The following ICA1L variants were observed in gnomAD, a reference collection of about 807,000 sequenced individuals.
ICA1L encodes islet cell autoantigen 1 like.
ICA1L carries 50 observed loss-of-function variants against 61.3 expected under a neutral mutation model. The observed-to-expected ratio is 0.82, with a 90% CI of 0.65 to 1.03. The LOEUF is 1.03. Ranked by LOEUF, ICA1L falls within the 50% of genes least tolerant of loss-of-function variation. ICA1L has a pLI of 0.00. For synonymous variants in ICA1L, 161 were observed against 191.3 expected (o/e 0.84, Z 1.31); for missense variants, 508 against 556.7 (o/e 0.91, Z 0.88).
At chr2:202,839,688 A>T (rs1371031580) in intron 1 of ICA1L, among the ~76,000 whole-genome samples, 1 of 151,402 alleles carries the variant, frequency 6.6e-6, no homozygotes, top group Non-Finnish European at 1.5e-5. Context: ...ATTTACATTC[A>T]AGGTAATTAT....
chr2:202,867,303 C>G (rs879668002), intron 1 of ICA1L, among the ~76,000 whole-genome samples: 3 of 152,090 alleles, frequency 2.0e-5, no homozygotes, highest in African/African-American at 7.2e-5. Context: ...GAGAAATGTG[C>G]CATTAGATGA....
chr2:202,854,464 T>G (rs1275615367), intron 1 of ICA1L, among the ~76,000 whole-genome samples: 3 of 152,118 alleles, frequency 2.0e-5, no homozygotes, highest in Non-Finnish European at 4.4e-5. Context: ...CACCCCACCG[T>G]CAATATGAGA....
chr2:202,782,216 G>A (rs373885973), intron 12 of ICA1L, among the ~76,000 whole-genome samples: 4 of 151,746 alleles, frequency 2.6e-5, no homozygotes, highest in South Asian at 2.1e-4. Flanking sequence ...GTTTCCTGGC[G>A]TGCCTGTAAT....
Position 202,773,494 on chromosome 2 carries a change from A to G in ICA1L, c.*6039T>C, listed in dbSNP as rs1462628175. 7.1e-6 allele frequency: 2 copies of G among 283,390 alleles called. No individual in the cohort carries two copies. The highest frequency in any genetic ancestry group is 1.2e-4 in the South Asian group (2 of 16,276). The allele number at this position is 283,390 out of a possible 1,614,324, so 17.6% of individuals were successfully genotyped here. ...GTTTATCTCCAACAAGACACTGTCA[A>G]AATGTTTCTTCTGATAAAGCAGTTA... On this transcript the variant is annotated 3_prime_UTR_variant, in exon 13 of 13. Transcript: ENST00000358299.
intron 1 of ICA1L, among the ~76,000 whole-genome samples, chr2:202,857,932 G>A (rs540773652): frequency 1.5e-4 from 23 of 152,192 alleles, no homozygotes; most frequent in Middle Eastern, 6.8e-3. Flanking sequence ...ACCATCTCAC[G>A]CCAGTTAGAA....
intron 2 of ICA1L, among the ~76,000 whole-genome samples, chr2:202,827,318 G>A (rs1187923696): frequency 1.3e-5 from 2 of 151,854 alleles, no homozygotes; most frequent in East Asian, 1.9e-4. Context: ...GCTTGAACCC[G>A]GGAGGCGGAG....
At chr2:202,840,908 C>G in intron 1 of ICA1L, 1 of 711,792 alleles carries the variant, frequency 1.4e-6, no homozygotes, top group Non-Finnish European at 2.6e-6. Flanking sequence ...TCCCAGCCAG[C>G]GTCTGCAGTT....
intron 1 of ICA1L, among the ~76,000 whole-genome samples, chr2:202,867,204 A>C (rs975304885): frequency 1.3e-5 from 2 of 152,198 alleles, no homozygotes; most frequent in African/African-American, 4.8e-5. Flanking sequence ...TAATAAGAAA[A>C]TCTCATTTTA....
rs1263778290 is a variant in ICA1L at position 202,849,671 on chromosome 2, G to C, written c.-7-20655C>G. 1.3e-5 allele frequency among the ~76,000 whole-genome samples: 2 copies of C among 152,216 alleles called. No individual in the cohort carries two copies. The highest frequency in any genetic ancestry group is 2.9e-5 in the Non-Finnish European group (2 of 68,040). Reference sequence around the variant, plus strand: ...AAAACTCCCATCTCCCTAGGACAGAGCACCTGGGGGAAGGGGCAACTGTGG... The same window carrying C: ...AAAACTCCCATCTCCCTAGGACAGACCACCTGGGGGAAGGGGCAACTGTGG... On this transcript the variant is annotated intron_variant, in intron 1 of 12. Transcript: ENST00000358299. The surrounding 1 kb of genome is among the most constrained non-coding windows in gnomAD (Gnocchi z 4.5).
At chr2:202,871,264 C>G (rs1574396397) in intron 1 of ICA1L, 1 of 152,252 alleles carries the variant, frequency 6.6e-6, no homozygotes, top group East Asian at 1.9e-4. Context: ...ATCACCCAAA[C>G]GAGCCCCAGG....
intron 7 of ICA1L, 144 bp downstream of exon 7, chr2:202,815,767 G>A (rs1469989861): frequency 2.2e-6 from 1 of 462,238 alleles, no homozygotes; most frequent in African/African-American, 2.1e-5. Flanking sequence ...AATTAGGAAA[G>A]TGCTGACCCT....
chr2:202,784,288 C>T (rs536205671), intron 12 of ICA1L, among the ~76,000 whole-genome samples: 1 of 152,204 alleles, frequency 6.6e-6, no homozygotes, highest in African/African-American at 2.4e-5. Context: ...CCCATCTCTA[C>T]ACAAAAATTG....
intron 1 of ICA1L, chr2:202,844,266 C>T (rs752037660): frequency 3.3e-5 from 5 of 152,034 alleles, no homozygotes; most frequent in African/African-American, 7.2e-5. Flanking sequence ...GTCCCAGCTA[C>T]CTGGGATGCT....
At chr2:202,805,784 A>G (rs1027351974) in intron 9 of ICA1L, among the ~76,000 whole-genome samples, 1 of 152,204 alleles carries the variant, frequency 6.6e-6, no homozygotes, top group Non-Finnish European at 1.5e-5. Flanking sequence ...AAGGGGAGAT[A>G]ACTACTGACA....
At chr2:202,823,971 C>A (rs968591579) in intron 3 of ICA1L, among the ~76,000 whole-genome samples, 7 of 152,236 alleles carry the variant, frequency 4.6e-5, no homozygotes, top group African/African-American at 1.7e-4. Context: ...AATGTATAAG[C>A]TTTGATTATA....
At chr2:202,821,125 GGCC>G (rs1358198510) in intron 4 of ICA1L, among the ~76,000 whole-genome samples, 1 of 151,940 alleles carries the variant, frequency 6.6e-6, no homozygotes, top group Non-Finnish European at 1.5e-5. Flanking sequence ...TATAAATACA[GGCC>G]TAAAGGTTAT....
At chr2:202,850,482 C>T (rs1200724982) in intron 1 of ICA1L, among the ~76,000 whole-genome samples, 1 of 152,038 alleles carries the variant, frequency 6.6e-6, no homozygotes, top group Non-Finnish European at 1.5e-5. Flanking sequence ...AAGAGAACTT[C>T]GTGAAGCATT....
At chr2:202,812,784 T>C (rs1480863075) in intron 8 of ICA1L, among the ~76,000 whole-genome samples, 2 of 152,196 alleles carry the variant, frequency 1.3e-5, no homozygotes, top group Admixed American at 1.3e-4. Flanking sequence ...AATAGTATTA[T>C]GTTTTTTTAA....
chr2:202,795,286 C>T (rs946491669), intron 10 of ICA1L, among the ~76,000 whole-genome samples: 4 of 151,844 alleles, frequency 2.6e-5, no homozygotes, highest in East Asian at 1.9e-4. Context: ...CCACCGCGCC[C>T]GGCCCTAAAA....
Sources: gnomAD v4.1 joint callset for allele counts (sites outside exome capture counted in the v4.1 genomes callset) on GRCh38, gnomAD v4.1.1 for gene constraint, Gnocchi (gnomAD v3.1) non-coding constraint, MANE v1.5 for transcripts, NCBI Gene and HGNC (gene_info 2026-07-23, HGNC 2026-07-21) for gene names.